Variants in MYO5A observed in about 807,000 individuals in gnomAD.
MYO5A encodes the protein myosin VA, also known as unconventional myosin-Va.
In MYO5A, 98 loss-of-function variants were observed where a neutral mutation model predicts 249.7. That is an observed-to-expected ratio of 0.39 (90% CI 0.33 to 0.46). MYO5A has a LOEUF of 0.46. Among genes scored for constraint, MYO5A ranks in the 20% least tolerant of loss-of-function variants. MYO5A has a pLI of 0.98. For synonymous variants in MYO5A, 778 were observed against 810.6 expected, an observed-to-expected ratio of 0.96 and a Z score of 0.68; for missense variants, 1,696 against 2,308.8, an observed-to-expected ratio of 0.73 and a Z score of 5.44.
chr15:52,447,230 T>A (rs762061453), intron 1 of MYO5A, among the ~76,000 whole-genome samples: 1 of 152,048 alleles, frequency 6.6e-6, no homozygotes, highest in Non-Finnish European at 1.5e-5. Context: ...GGTGCTGTCT[T>A]CGTGATAGTG....
chr15:52,473,159 T>C (rs1567159787), intron 1 of MYO5A, among the ~76,000 whole-genome samples: 1 of 152,272 alleles, frequency 6.6e-6, no homozygotes, highest in Non-Finnish European at 1.5e-5. Context: ...ATGAGCATTT[T>C]TTCATGTGTC....
chr15:52,325,408 C>CTTT (rs1209313890), intron 36 of MYO5A, among the ~76,000 whole-genome samples: 9 of 139,484 alleles, frequency 6.5e-5, no homozygotes, highest in African/African-American at 2.1e-4. Flanking sequence ...AAGCCCCCCA[C>CTTT]TTTTTTTTTT....
At chr15:52,364,929 C>T (rs553591745) in intron 23 of MYO5A, among the ~76,000 whole-genome samples, 1 of 152,264 alleles carries the variant, frequency 6.6e-6, no homozygotes, top group South Asian at 2.1e-4. Flanking sequence ...GTACTCTGGC[C>T]TTAGTACCAC....
intron 1 of MYO5A, among the ~76,000 whole-genome samples, chr15:52,481,048 A>G (rs899145810): frequency 6.6e-6 from 1 of 152,152 alleles, no homozygotes; most frequent in Non-Finnish European, 1.5e-5. Context: ...ACTGGACCAC[A>G]CTATATGTAG....
At chr15:52,525,925 G>A (rs976682909) in intron 1 of MYO5A, among the ~76,000 whole-genome samples, 1 of 152,152 alleles carries the variant, frequency 6.6e-6, no homozygotes, top group Non-Finnish European at 1.5e-5. Context: ...GACTATGAGC[G>A]TGTTGAGGGA....
At chr15:52,460,976 CAG>C (rs1332926494) in intron 1 of MYO5A, among the ~76,000 whole-genome samples, 8 of 152,144 alleles carry the variant, frequency 5.3e-5, no homozygotes, top group African/African-American at 1.9e-4. Flanking sequence ...TTTTTTGAGA[CAG>C]AGTCTTGCTG....
chr15:52,528,906 G>A (rs1360755434), upstream of MYO5A: 5 of 1,204,174 alleles, frequency 4.2e-6, no homozygotes, highest in Non-Finnish European at 5.3e-6. Context: ...CCGCCGGCAG[G>A]GAGCAGGGCA....
At chr15:52,462,671 A>C (rs2076276352) in intron 1 of MYO5A, among the ~76,000 whole-genome samples, 2 of 152,070 alleles carry the variant, frequency 1.3e-5, no homozygotes, top group African/African-American at 4.8e-5. Context: ...AACATGGTGA[A>C]ACCCCATCTC....
chr15:52,393,689 G>A (rs1233345223), intron 11 of MYO5A, among the ~76,000 whole-genome samples: 3 of 152,140 alleles, frequency 2.0e-5, no homozygotes, highest in African/African-American at 7.2e-5. Context: ...CACCGCGCCT[G>A]GCCTCATTTA....
chr15:52,376,129 G>A (rs1201645866), intron 19 of MYO5A, among the ~76,000 whole-genome samples: 1 of 152,182 alleles, frequency 6.6e-6, no homozygotes, highest in African/African-American at 2.4e-5. Context: ...GAGGACATAA[G>A]TAAGCAGCAG....
At chr15:52,334,519 G>A (rs1420800168) in intron 34 of MYO5A, among the ~76,000 whole-genome samples, 1 of 151,958 alleles carries the variant, frequency 6.6e-6, no homozygotes, top group East Asian at 1.9e-4. Flanking sequence ...TAATGCTAAA[G>A]GATTATATAT....
rs754098214 is a variant in MYO5A at position 52,376,438 on chromosome 15, T to G, written c.2329A>C (p.Ile777Leu). ...RAACIRIQKT[I>L]RGWLLRKKYL... ...TTCTTTCTCAGCAGCCACCCTCGGATGGTCTTCTGGATCCGGATGCAGGCA... is the reference window on the plus strand; with the variant it reads ...TTCTTTCTCAGCAGCCACCCTCGGAGGGTCTTCTGGATCCGGATGCAGGCA... Residue 777 changes from isoleucine to leucine, a missense_variant, in exon 19 of 42, where the codon ATC becomes CTC. Around this residue, in one of 5 missense-constraint regions of MYO5A, gnomAD observed 277 missense variants for 422.4 expected, o/e 0.66. Coordinates refer to ENST00000399233, the MANE Select transcript of MYO5A (RefSeq NM_001382347.1). The G allele has an allele frequency of 4.1e-5, 66 of 1,614,064 alleles. No homozygotes were observed. In the South Asian group the frequency reaches 6.7e-4, roughly 16 times the overall value.
chr15:52,386,911 A>G (rs1306194734), intron 14 of MYO5A, among the ~76,000 whole-genome samples: 2 of 152,220 alleles, frequency 1.3e-5, no homozygotes, highest in African/African-American at 4.8e-5. Context: ...TATTATCAAA[A>G]TAATTGATAG....
chr15:52,320,781 A>G lies in MYO5A; in HGVS notation c.4951+578T>C, dbSNP rs112183979. Among the ~76,000 whole-genome samples the G allele has an allele frequency of 7.7e-3, 1,179 of 152,246 alleles. 14 individuals carry two copies. The highest frequency in any genetic ancestry group is 0.027 in the African/African-American group (1,130 of 41,550). ...GTAATCCCAGCACTTTGGGAGGCCGAGGTGAGTGGCTCACAAGGTCAGGAG... is the reference window on the plus strand; with the variant it reads ...GTAATCCCAGCACTTTGGGAGGCCGGGGTGAGTGGCTCACAAGGTCAGGAG... On this transcript the variant is annotated intron_variant, in intron 38 of 41. Coordinates refer to ENST00000399233, the MANE Select transcript of MYO5A (RefSeq NM_001382347.1).
At chr15:52,512,892 C>T (rs966286393) in intron 1 of MYO5A, among the ~76,000 whole-genome samples, 19 of 151,810 alleles carry the variant, frequency 1.3e-4, no homozygotes, top group African/African-American at 3.9e-4. Flanking sequence ...CTTTGGGAGG[C>T]CGAGGTGGGT....
chr15:52,376,257 T>C, intron 19 of MYO5A, 90 bp downstream of exon 19: 1 of 1,219,044 alleles, frequency 8.2e-7, no homozygotes, highest in Admixed American at 1.8e-5. Flanking sequence ...AGGTGAGGTG[T>C]TATCTTTTCA....
intron 1 of MYO5A, among the ~76,000 whole-genome samples, chr15:52,478,719 C>T (rs1430346390): frequency 6.6e-6 from 1 of 152,168 alleles, no homozygotes; most frequent in Non-Finnish European, 1.5e-5. Context: ...ACGTGAGAAG[C>T]GTGAGATCAC....
At chr15:52,315,183 A>G (rs536699445) in intron 40 of MYO5A, among the ~76,000 whole-genome samples, 244 of 152,348 alleles carry the variant, frequency 1.6e-3, no homozygotes, top group African/African-American at 5.7e-3. Context: ...TTTAAGTATT[A>G]AAGTATATTC....
intron 1 of MYO5A, among the ~76,000 whole-genome samples, chr15:52,444,084 T>C (rs796421493): frequency 1.8e-4 from 28 of 152,348 alleles, no homozygotes; most frequent in Middle Eastern, 3.4e-3. Flanking sequence ...TTGATGGATA[T>C]GCTTTGTCAC....
Sources: gnomAD v4.1 joint callset for allele counts (sites outside exome capture counted in the v4.1 genomes callset) on GRCh38, gnomAD v4.1.1 for gene constraint, gnomAD v4.1.1 regional missense constraint, MANE v1.5 for transcripts, NCBI Gene and HGNC (gene_info 2026-07-23, HGNC 2026-07-21) for gene names.